The following KCNK5 variants were observed in gnomAD, a reference collection of about 807,000 sequenced individuals.
KCNK5 encodes potassium two pore domain channel subfamily K member 5, also known as potassium channel subfamily K member 5.
In KCNK5, 18 loss-of-function variants were observed where a neutral mutation model predicts 32.9. The observed-to-expected ratio is 0.55, with a 90% CI of 0.38 to 0.81. KCNK5 has a LOEUF of 0.81. Among genes scored for constraint, KCNK5 ranks in the 30% least tolerant of loss-of-function variants. The pLI is 0.00. For synonymous variants in KCNK5, 276 were observed against 275.3 expected, an observed-to-expected ratio of 1.00 and a Z score of -0.03; for missense variants, 507 against 651.0, an observed-to-expected ratio of 0.78 and a Z score of 2.41.
rs893152128 is a variant in KCNK5 at position 39,189,569 on chromosome 6, A to C, written c.*1321T>G. 6.5e-6 allele frequency: 1 copy of C among 152,678 alleles called. No homozygotes were observed. The highest frequency in any genetic ancestry group is 2.4e-5 in the African/African-American group (1 of 41,450). 9.5% of individuals were successfully genotyped at this position (152,678 alleles called of 1,614,324 possible). A position where few individuals can be genotyped will look rare whatever the true frequency, so the allele number is the denominator to read the frequency against. On this transcript the variant is annotated 3_prime_UTR_variant, in exon 5 of 5. Coordinates refer to ENST00000359534, the MANE Select transcript of KCNK5 (RefSeq NM_003740.4). Reference sequence around the variant, plus strand: ...AGTTTGTTTAAAAAATAAAACAAAAAATAACAAAAACATTCAGGACACAGT... The same window carrying C: ...AGTTTGTTTAAAAAATAAAACAAAACATAACAAAAACATTCAGGACACAGT...
intron 1 of KCNK5, among the ~76,000 whole-genome samples, chr6:39,207,284 C>G (rs548808455): frequency 1.3e-5 from 2 of 152,340 alleles, no homozygotes; most frequent in Admixed American, 6.5e-5. Context: ...GTTTCTCTGG[C>G]TTCCTAGTTA....
intron 1 of KCNK5, among the ~76,000 whole-genome samples, chr6:39,225,490 G>A (rs1320442627): frequency 2.0e-5 from 3 of 152,224 alleles, no homozygotes; most frequent in Non-Finnish European, 2.9e-5. Flanking sequence ...GAGGCAGAAG[G>A]TTGAGAAGGG....
At position 39,191,422 on chromosome 6, in the gene KCNK5, G is replaced by C. The variant is rs200814070; in HGVS notation, c.968C>G (p.Pro323Arg). ...MKTSGGGETG[P>R]GPGLGPQGGG... is the part of the protein sequence containing the mutation. The stretch of plus-strand genomic sequence containing the variant: ...GCCTTGAGGCCCCAGCCCTGGGCCC[G>C]GGCCCGTCTCCCCACCCCCGCTTGT... Residue 323 changes from proline (P) to arginine (R), a missense_variant, in exon 5 of 5, where the codon CCG (proline) becomes CGG (arginine). Physicochemically the swap from Pro to Arg is moderately radical, Grantham distance 103. Around this residue, in one of 6 missense-constraint regions of KCNK5, gnomAD observed 252 missense variants for 250.8 expected, o/e 1.00. Coordinates refer to ENST00000359534, the MANE Select transcript of KCNK5 (RefSeq NM_003740.4). The surrounding 1 kb of genome is among the most constrained non-coding windows in gnomAD (Gnocchi z 5.8). 1.2e-6 allele frequency: 2 copies of C among 1,612,498 alleles called. No homozygotes were observed. The highest frequency in any genetic ancestry group is 3.3e-5 in the Admixed American group (2 of 60,020).
rs193277822 is a variant in KCNK5 at position 39,218,926 on chromosome 6, C to A, written c.186+10000G>T. Among the ~76,000 whole-genome samples the A allele has an allele frequency of 1.5e-3, 229 of 152,382 alleles. 2 individuals carry two copies. The South Asian group carries it at 0.025, about 16-fold the overall frequency. On this transcript the variant is annotated intron_variant, in intron 1 of 4. Coordinates refer to ENST00000359534, the MANE Select transcript of KCNK5 (RefSeq NM_003740.4). ...TTTTCTCCTGCCCCAGCTCGTCCAA[C>A]TTGCCCTCTTGGTTTCCACAGAGAG...
chr6:39,223,199 A>G (rs1771590285), intron 1 of KCNK5, among the ~76,000 whole-genome samples: 1 of 152,202 alleles, frequency 6.6e-6, no homozygotes. Flanking sequence ...CTTAGTGAGC[A>G]TTTACGATGT....
intron 1 of KCNK5, among the ~76,000 whole-genome samples, chr6:39,200,878 G>C (rs955687296): frequency 6.6e-6 from 1 of 152,222 alleles, no homozygotes; most frequent in Non-Finnish European, 1.5e-5. Context: ...CCTTCCTGGA[G>C]AGAGGGATCT....
chr6:39,196,977 C>T (rs1771041969), intron 1 of KCNK5, among the ~76,000 whole-genome samples: 1 of 152,222 alleles, frequency 6.6e-6, no homozygotes, highest in African/African-American at 2.4e-5. Flanking sequence ...GCTATCACCA[C>T]TGGCTCCAAC....
chr6:39,225,396 A>G (rs1207538964), intron 1 of KCNK5, among the ~76,000 whole-genome samples: 1 of 152,198 alleles, frequency 6.6e-6, no homozygotes, highest in Non-Finnish European at 1.5e-5. Context: ...AATTAAAATA[A>G]GAATGTATAT....
rs1770882438 is a variant in KCNK5 at position 39,189,544 on chromosome 6, A to G, written c.*1346T>C. On this transcript the variant is annotated 3_prime_UTR_variant, in exon 5 of 5. Coordinates refer to ENST00000359534, the MANE Select transcript of KCNK5 (RefSeq NM_003740.4). The stretch of plus-strand genomic sequence containing the variant: ...CAGATTCCAGGTATATAAAAACAGC[A>G]GTTTGTTTAAAAAATAAAACAAAAA... 6.5e-6 allele frequency: 1 copy of G among 152,700 alleles called. No individual in the cohort carries two copies. Among genetic ancestry groups the G allele is most frequent in the South Asian group, 2.1e-4 (1 of 4,834 alleles). 9.5% of individuals were successfully genotyped at this position (152,700 alleles called of 1,614,324 possible).
chr6:39,212,768 G>C (rs534192227), intron 1 of KCNK5, among the ~76,000 whole-genome samples: 1 of 152,304 alleles, frequency 6.6e-6, no homozygotes, highest in African/African-American at 2.4e-5. Context: ...GTGACTCTCT[G>C]TCCTGGTATA....
chr6:39,196,036 T>A, intron 1 of KCNK5, 49 bp from the exon 2 acceptor site: 1 of 1,365,044 alleles, frequency 7.3e-7, no homozygotes, highest in Non-Finnish European at 1.0e-6. Flanking sequence ...ACTTAACAGA[T>A]GCTGATTGAC....
intron 1 of KCNK5, among the ~76,000 whole-genome samples, chr6:39,203,041 C>T (rs1450315196): frequency 6.6e-6 from 1 of 152,152 alleles, no homozygotes; most frequent in Non-Finnish European, 1.5e-5. Flanking sequence ...CCGTCAGGAA[C>T]AAGACCCTGC....
Position 39,195,892 on chromosome 6 carries a change from G to C in KCNK5, c.282C>G (p.Thr94=), listed in dbSNP as rs369643262. ...NWPNAMIFAA[T]VITTIGYGNV... ...AAGACTTACCAATGGTGGTAATGAC[G>C]GTCGCTGCAAAAATCATTGCATTGG... Residue 94 remains threonine, a synonymous_variant, in exon 2 of 5, where the codon ACC becomes ACG. Coordinates refer to ENST00000359534, the MANE Select transcript of KCNK5 (RefSeq NM_003740.4). The C allele has an allele frequency of 5.0e-6, 8 of 1,613,362 alleles. No individual in the cohort carries two copies. Among genetic ancestry groups the C allele is most frequent in the Non-Finnish European group, 5.9e-6 (7 of 1,179,572 alleles).
At chr6:39,201,535 G>C (rs1771133610) in intron 1 of KCNK5, among the ~76,000 whole-genome samples, 1 of 152,166 alleles carries the variant, frequency 6.6e-6, no homozygotes, top group Non-Finnish European at 1.5e-5. Flanking sequence ...ACAGGCATGA[G>C]CCACCACTCC....
At chr6:39,193,642 T>C (rs1346582785) in intron 4 of KCNK5, among the ~76,000 whole-genome samples, 1 of 152,010 alleles carries the variant, frequency 6.6e-6, no homozygotes, top group Admixed American at 6.6e-5. Context: ...TAGGAGGGAG[T>C]GTCAGGGCTG....
rs114917301 is a variant in KCNK5 at position 39,216,540 on chromosome 6, T to C, written c.186+12386A>G. On this transcript the variant is annotated intron_variant, in intron 1 of 4. Coordinates refer to ENST00000359534, the MANE Select transcript of KCNK5 (RefSeq NM_003740.4). ...GGCAGCAATTTAGGATACGGCAGCC[T>C]CTACTGCAGCTGCAGAGCTCTGGCT... Among the ~76,000 whole-genome samples the C allele has an allele frequency of 7.0e-3, 1,059 of 152,236 alleles. 15 individuals carry two copies. Among genetic ancestry groups the C allele is most frequent in the African/African-American group, 0.024 (1,000 of 41,542 alleles).
intron 1 of KCNK5, among the ~76,000 whole-genome samples, chr6:39,209,967 G>C (rs1771302372): frequency 6.6e-6 from 1 of 152,222 alleles, no homozygotes; most frequent in Admixed American, 6.5e-5. Flanking sequence ...GCATAGGCAA[G>C]TTAGAGATGC....
intron 1 of KCNK5, among the ~76,000 whole-genome samples, chr6:39,211,012 C>T (rs150492721): frequency 2.1e-3 from 324 of 152,232 alleles, no homozygotes; most frequent in African/African-American, 7.4e-3. Flanking sequence ...CCGGGACCCC[C>T]ACCATGGGCC....
chr6:39,207,336 T>A (rs953473460), intron 1 of KCNK5, among the ~76,000 whole-genome samples: 1 of 152,254 alleles, frequency 6.6e-6, no homozygotes, highest in Non-Finnish European at 1.5e-5. Flanking sequence ...GAGAGACTCA[T>A]GGATCCCTTA....
Sources: allele counts gnomAD v4.1 joint callset (sites outside exome capture counted in the v4.1 genomes callset), GRCh38; gene constraint gnomAD v4.1.1; regional missense constraint gnomAD v4.1.1; non-coding constraint Gnocchi (gnomAD v3.1); transcripts MANE v1.5; gene names NCBI Gene and HGNC (gene_info 2026-07-23, HGNC 2026-07-21).